The following KIAA1217 variants were observed in gnomAD, a reference collection of about 807,000 sequenced individuals.
The protein encoded by KIAA1217 is KIAA1217, also known as sickle tail protein homolog.
A neutral mutation model predicts 163.9 loss-of-function variants in KIAA1217; 88 were observed. The observed-to-expected ratio is 0.54, with a 90% CI of 0.45 to 0.64. KIAA1217 has a LOEUF of 0.64. Among genes scored for constraint, KIAA1217 ranks in the 30% least tolerant of loss-of-function variants. The probability of loss-of-function intolerance (pLI) is 0.00; values close to 1 mark genes in which losing one functional copy is unlikely to be tolerated. For synonymous variants in KIAA1217, 903 were observed against 923.1 expected (o/e 0.98, Z 0.39); for missense variants, 2,372 against 2,475.0 (o/e 0.96, Z 0.88).
upstream of KIAA1217, among the ~76,000 whole-genome samples, chr10:24,204,279 G>GT (rs2067427067): frequency 6.6e-6 from 1 of 152,110 alleles, no homozygotes; most frequent in East Asian, 1.9e-4. Flanking sequence ...GGGAAGATTG[G>GT]TTACCCTCTG....
At chr10:24,191,104 C>G (rs561597511) in intron 2 of KIAA1217, among the ~76,000 whole-genome samples, 6 of 152,082 alleles carry the variant, frequency 3.9e-5, no homozygotes, top group African/African-American at 1.4e-4. Flanking sequence ...GACTTGAGCC[C>G]AGAAGGTTGT....
chr10:23,854,496 G>T (rs1218638865), intron 1 of KIAA1217, among the ~76,000 whole-genome samples: 5 of 152,078 alleles, frequency 3.3e-5, no homozygotes, highest in South Asian at 4.1e-4. Context: ...TTCTGTTGAT[G>T]TGGGGTGGAG....
At chr10:24,413,939 G>A (rs1019633044) in intron 3 of KIAA1217, among the ~76,000 whole-genome samples, 1 of 152,120 alleles carries the variant, frequency 6.6e-6, no homozygotes, top group African/African-American at 2.4e-5. Context: ...TACATCAATA[G>A]AAGCTATGAT....
Position 24,100,294 on chromosome 10 carries a change from A to G in KIAA1217, c.-171+92920A>G, listed in dbSNP as rs149970110. Among the ~76,000 whole-genome samples the G allele has an allele frequency of 1.1e-4, 17 of 152,304 alleles. No individual in the cohort carries two copies. The East Asian group carries it at 2.7e-3, about 24-fold the overall frequency. On this transcript the variant is annotated intron_variant, in intron 2 of 18. Transcript: ENST00000376462. ...GCACATCTGTTTCATTAAGAATAAA[A>G]GGTTTCTGTGCAGACAGCGACCCAT...
chr10:23,766,109 T>G (rs1280024779), intron 1 of KIAA1217, among the ~76,000 whole-genome samples: 4 of 152,220 alleles, frequency 2.6e-5, no homozygotes, highest in African/African-American at 9.6e-5. Context: ...ATATTCTTCT[T>G]CTCTAGGAGG....
At chr10:23,867,624 T>A (rs1042299379) in intron 1 of KIAA1217, among the ~76,000 whole-genome samples, 42 of 152,250 alleles carry the variant, frequency 2.8e-4, no homozygotes, top group Admixed American at 3.9e-4. Context: ...TTTTTTCATG[T>A]GTTTTTTGGC....
At chr10:24,103,175 T>G (rs147352146) in intron 2 of KIAA1217, among the ~76,000 whole-genome samples, 1 of 152,290 alleles carries the variant, frequency 6.6e-6, no homozygotes, top group East Asian at 1.9e-4. Context: ...AAGATAGTCT[T>G]TTTAAAATAG....
chr10:24,524,503 G>A lies in KIAA1217; in HGVS notation c.2637G>A (p.Leu879=). ...PGDAKSEVVP[L]SGMMVRHAQS... is the part of the protein sequence containing the mutation. ...ATGCGAAGTCGGAAGTGGTGCCTTT[G>A]TCCGGCATGATGGTTCGCCACGCGC... is the stretch of plus-strand genomic sequence containing the variant. Residue 879 remains leucine (L), a synonymous_variant, in exon 13 of 21, where the codon TTG becomes TTA. Transcript: ENST00000376454. 6.2e-7 allele frequency: 1 copy of A among 1,614,160 alleles called. No individual in the cohort carries two copies. Among genetic ancestry groups the A allele is most frequent in the Non-Finnish European group, 8.5e-7 (1 of 1,180,042 alleles).
chr10:24,107,401 G>A (rs975214645), intron 2 of KIAA1217, among the ~76,000 whole-genome samples: 1 of 152,212 alleles, frequency 6.6e-6, no homozygotes, highest in African/African-American at 2.4e-5. Context: ...TATGTGCCCA[G>A]TAATGGGGTT....
intron 1 of KIAA1217, among the ~76,000 whole-genome samples, chr10:24,005,726 A>G (rs1423914377): frequency 2.0e-5 from 3 of 152,262 alleles, no homozygotes; most frequent in East Asian, 1.9e-4. Flanking sequence ...GTGATATTCA[A>G]TTTTCAGTAT....
At chr10:23,786,652 A>G (rs1000701472) in intron 1 of KIAA1217, among the ~76,000 whole-genome samples, 7 of 152,194 alleles carry the variant, frequency 4.6e-5, no homozygotes, top group Admixed American at 3.3e-4. Context: ...CATTAAGCAT[A>G]GGCCATGGCA....
chr10:23,737,735 ATACATTATTTTTCTCATAGTGATTAATG>A (rs1838893689), intron 1 of KIAA1217, among the ~76,000 whole-genome samples: 1 of 152,294 alleles, frequency 6.6e-6, no homozygotes, highest in South Asian at 2.1e-4. Context: ...ATTTGTGAGA[ATACATTATTTTTCTCATAGTGATTAATG>A]AATTAATTTA....
At chr10:24,049,660 G>A (rs566929470) in intron 2 of KIAA1217, among the ~76,000 whole-genome samples, 6 of 152,252 alleles carry the variant, frequency 3.9e-5, no homozygotes, top group South Asian at 4.1e-4. Flanking sequence ...TGGCTGCATA[G>A]TATCTCATGG....
chr10:23,991,616 T>C (rs955965469), intron 1 of KIAA1217, among the ~76,000 whole-genome samples: 1 of 152,214 alleles, frequency 6.6e-6, no homozygotes, highest in African/African-American at 2.4e-5. Context: ...TATGTTCAGA[T>C]ATCTACATAG....
At chr10:24,249,091 G>C (rs1042639942) in intron 2 of KIAA1217, among the ~76,000 whole-genome samples, 24 of 152,308 alleles carry the variant, frequency 1.6e-4, no homozygotes, top group African/African-American at 5.5e-4. Context: ...GCACAAATCA[G>C]TACCTATCTT....
intron 2 of KIAA1217, among the ~76,000 whole-genome samples, chr10:24,140,502 G>A (rs369497288): frequency 3.9e-5 from 6 of 152,118 alleles, no homozygotes; most frequent in East Asian, 1.9e-4. Context: ...CATGACAGTC[G>A]ATCTGATAAC....
At chr10:24,466,949 C>A (rs1379252140) in intron 5 of KIAA1217, among the ~76,000 whole-genome samples, 1 of 152,026 alleles carries the variant, frequency 6.6e-6, no homozygotes, top group African/African-American at 2.4e-5. Flanking sequence ...CATAATATTC[C>A]TTTTCCACAA....
Position 24,532,059 on chromosome 10 carries a change from C to G in KIAA1217, c.3246+66C>G, listed in dbSNP as rs1015153586. On this transcript the variant is annotated intron_variant, in intron 15 of 20. Transcript: ENST00000376454. Reference sequence around the variant, plus strand: ...AGATGATACCCTTAGACAAGGTTCTCTCTGTTGGAACATAAAAAGTAGTGA... The same window carrying G: ...AGATGATACCCTTAGACAAGGTTCTGTCTGTTGGAACATAAAAAGTAGTGA... The G allele has an allele frequency of 3.7e-6, 5 of 1,353,470 alleles. No individual in the cohort carries two copies. The East Asian group carries it at 1.3e-4, about 36-fold the overall frequency. 83.8% of individuals were successfully genotyped at this position (1,353,470 alleles called of 1,614,324 possible). A position where few individuals can be genotyped will look rare whatever the true frequency, so the allele number is the denominator to read the frequency against.
At chr10:24,131,190 T>G (rs1283740917) in intron 2 of KIAA1217, among the ~76,000 whole-genome samples, 1 of 152,218 alleles carries the variant, frequency 6.6e-6, no homozygotes, top group Non-Finnish European at 1.5e-5. Flanking sequence ...TTTAAACTCT[T>G]CAGACCTAGG....
Sources: allele counts gnomAD v4.1 joint callset (sites outside exome capture counted in the v4.1 genomes callset), GRCh38; gene constraint gnomAD v4.1.1; transcripts MANE v1.5; gene names NCBI Gene and HGNC (gene_info 2026-07-23, HGNC 2026-07-21).